MAP1LC3B: variants seen among roughly 807,000 people sequenced by gnomAD.
The protein encoded by MAP1LC3B is microtubule associated protein 1 light chain 3 beta, also known as microtubule-associated protein 1 light chain 3 beta.
In MAP1LC3B, 12 loss-of-function variants were observed where a neutral mutation model predicts 16.7. The observed-to-expected ratio is 0.72, with a 90% CI of 0.46 to 1.16. The LOEUF is 1.16. MAP1LC3B is among the 50% of genes most tolerant of loss of function. The pLI is 0.00. For synonymous variants in MAP1LC3B, 63 were observed against 56.5 expected (o/e 1.11, Z -0.51); for missense variants, 155 against 159.5 (o/e 0.97, Z 0.15).
Position 87,398,626 on chromosome 16 carries a change from T to C in MAP1LC3B, c.41-189T>C, listed in dbSNP as rs149241777. ...AGAGCCATGTATGTTATGTTGCTCTTGGCCTTAGATACAAACCTTTATCAG... is the reference window on the plus strand; with the variant it reads ...AGAGCCATGTATGTTATGTTGCTCTCGGCCTTAGATACAAACCTTTATCAG... On this transcript the variant is annotated intron_variant, in intron 1 of 3. Transcript: ENST00000268607. Among the ~76,000 whole-genome samples, 280 of 152,352 alleles carry C rather than the reference T, an allele frequency of 1.8e-3. 3 individuals carry two copies. Among genetic ancestry groups the C allele is most frequent in the Non-Finnish European group, 1.3e-4 (9 of 68,038 alleles).
rs1396378054 is a variant in MAP1LC3B at position 87,403,402 on chromosome 16, A to C, written c.*305A>C. The C allele has an allele frequency of 1.3e-5, 3 of 231,438 alleles. No individual in the cohort carries two copies. Among genetic ancestry groups the C allele is most frequent in the Non-Finnish European group, 1.8e-5 (2 of 108,264 alleles). The allele number at this position is 231,438 out of a possible 1,614,324, so 14.3% of individuals were successfully genotyped here. ...ATAAAATAGACCTTCAAGTTATTTT[A>C]ATGCTCTTTTCTCACTAATAGGAAC... On this transcript the variant is annotated 3_prime_UTR_variant, in exon 4 of 4. Coordinates refer to ENST00000268607, the MANE Select transcript of MAP1LC3B (RefSeq NM_022818.5).
At chr16:87,402,106 G>A (rs1908014935) in intron 2 of MAP1LC3B, 69 bp from the exon 3 acceptor site, 6 of 1,527,562 alleles carry the variant, frequency 3.9e-6, no homozygotes, top group South Asian at 2.3e-5. Flanking sequence ...AAATGCTGGG[G>A]TTACAGGTGT....
intron 1 of MAP1LC3B, among the ~76,000 whole-genome samples, chr16:87,394,245 G>A (rs1404617605): frequency 1.3e-5 from 2 of 150,692 alleles, no homozygotes; most frequent in African/African-American, 4.9e-5. Flanking sequence ...TATCTTAACA[G>A]CTGTTACCTT....
At chr16:87,396,002 G>A (rs1459788548) in intron 1 of MAP1LC3B, among the ~76,000 whole-genome samples, 1 of 150,834 alleles carries the variant, frequency 6.6e-6, no homozygotes, top group African/African-American at 2.4e-5. Flanking sequence ...CTGGGATTAC[G>A]GGTGCCCGCC....
chr16:87,402,036 C>T (rs1045552599), intron 2 of MAP1LC3B, 139 bp from the exon 3 acceptor site: 25 of 666,786 alleles, frequency 3.7e-5, no homozygotes, highest in Non-Finnish European at 5.3e-5. Context: ...GGGGTTTCAC[C>T]ATGTTAGCCA....
intron 2 of MAP1LC3B, chr16:87,399,520 A>G (rs1597390223): frequency 6.8e-6 from 3 of 438,182 alleles, no homozygotes; most frequent in African/African-American, 6.1e-5. Flanking sequence ...AACAATGTAC[A>G]AATAAGCATT....
chr16:87,393,705 T>G (rs1907693850), intron 1 of MAP1LC3B, among the ~76,000 whole-genome samples: 1 of 152,188 alleles, frequency 6.6e-6, no homozygotes, highest in Admixed American at 6.5e-5. Context: ...GTGTCTAGGC[T>G]TATTGAGCCC....
chr16:87,401,665 C>T (rs1313561539), intron 2 of MAP1LC3B, among the ~76,000 whole-genome samples: 3 of 152,024 alleles, frequency 2.0e-5, no homozygotes, highest in African/African-American at 7.2e-5. Flanking sequence ...AGCTGGAAGG[C>T]ATTACAGGCA....
At chr16:87,399,041 T>C (rs2150711790) in intron 2 of MAP1LC3B, 171 bp downstream of exon 2, 1 of 607,454 alleles carries the variant, frequency 1.6e-6, no homozygotes, top group South Asian at 1.9e-5. Flanking sequence ...GGTCTCACTC[T>C]CTTTCCCAGG....
intron 3 of MAP1LC3B, among the ~76,000 whole-genome samples, 162 bp from the exon 4 acceptor site, chr16:87,402,761 A>C (rs192368434): frequency 6.6e-6 from 1 of 152,270 alleles, no homozygotes; most frequent in Admixed American, 6.5e-5. Flanking sequence ...GCTCATGTCA[A>C]TATAATCAAA....
Position 87,403,998 on chromosome 16 carries a change from C to G in MAP1LC3B, c.*901C>G, listed in dbSNP as rs1236236463. 3.3e-5 allele frequency: 5 copies of G among 152,106 alleles called. No individual in the cohort carries two copies. Among genetic ancestry groups the G allele is most frequent in the Admixed American group, 2.0e-4 (3 of 15,260 alleles). The allele number at this position is 152,106 out of a possible 1,614,324, so 9.4% of individuals were successfully genotyped here. ...ATTCAGACACACTCCCTTCTGCCTT[C>G]CGGCTTAAAGCTGTGGATGATCCAC... On this transcript the variant is annotated 3_prime_UTR_variant, in exon 4 of 4. Coordinates refer to ENST00000268607, the MANE Select transcript of MAP1LC3B (RefSeq NM_022818.5).
chr16:87,401,225 G>A (rs1907983244), intron 2 of MAP1LC3B, among the ~76,000 whole-genome samples: 1 of 151,654 alleles, frequency 6.6e-6, no homozygotes, highest in East Asian at 1.9e-4. Flanking sequence ...CTTGAAGCTG[G>A]TTCCCAGCCT....
intron 1 of MAP1LC3B, among the ~76,000 whole-genome samples, chr16:87,397,877 CAT>C (rs1240060786): frequency 6.7e-6 from 1 of 150,114 alleles, no homozygotes; most frequent in Non-Finnish European, 1.5e-5. Context: ...TTTTAACACA[CAT>C]ATTGCTTTGT....
intron 1 of MAP1LC3B, among the ~76,000 whole-genome samples, chr16:87,397,383 C>T (rs758748377): frequency 6.6e-6 from 1 of 151,984 alleles, no homozygotes; most frequent in Non-Finnish European, 1.5e-5. Flanking sequence ...CTTTGGGAGG[C>T]TGAGGTGGGC....
intron 2 of MAP1LC3B, among the ~76,000 whole-genome samples, chr16:87,401,831 G>A (rs1357681218): frequency 6.7e-6 from 1 of 149,374 alleles, no homozygotes; most frequent in East Asian, 2.0e-4. Flanking sequence ...TGCCCAGCCT[G>A]ATGACTTTTT....
At chr16:87,394,296 C>G (rs1344648477) in intron 1 of MAP1LC3B, among the ~76,000 whole-genome samples, 1 of 151,240 alleles carries the variant, frequency 6.6e-6, no homozygotes, top group African/African-American at 2.4e-5. Context: ...AAAAATCTTT[C>G]TAGTTCATGA....
chr16:87,394,813 C>T (rs1907742859), intron 1 of MAP1LC3B, among the ~76,000 whole-genome samples: 1 of 145,950 alleles, frequency 6.9e-6, no homozygotes, highest in Admixed American at 7.1e-5. Flanking sequence ...TGGCTCACAC[C>T]TGTAATCCCA....
chr16:87,402,778 G>A lies in MAP1LC3B; in HGVS notation c.204-145G>A, dbSNP rs889229586. ...TCATGTCAATATAATCAAAGGAAGT[G>A]TCCTGTGCTTTATGAGAAGTATTGG... On this transcript the variant is annotated intron_variant, in intron 3 of 3. Transcript: ENST00000268607. 5.2e-6 allele frequency: 5 copies of A among 959,646 alleles called. No homozygotes were observed. The African/African-American group carries it at 6.6e-5, about 13-fold the overall frequency. The allele number at this position is 959,646 out of a possible 1,614,324, so 59.4% of individuals were successfully genotyped here.
rs1214944841 is a variant in MAP1LC3B at position 87,397,475 on chromosome 16, G to A, written c.41-1340G>A. 3.3e-5 allele frequency among the ~76,000 whole-genome samples: 5 copies of A among 152,190 alleles called. No individual in the cohort carries two copies. The East Asian group carries it at 5.8e-4, about 18-fold the overall frequency. Reference sequence around the variant, plus strand: ...TACTAAAAATACAAAAAAATTAGCCGAGCATGGTGTCGGGTGCCTGTAGTC... The same window carrying A: ...TACTAAAAATACAAAAAAATTAGCCAAGCATGGTGTCGGGTGCCTGTAGTC... On this transcript the variant is annotated intron_variant, in intron 1 of 3. Coordinates refer to ENST00000268607, the MANE Select transcript of MAP1LC3B (RefSeq NM_022818.5).
Sources: gnomAD v4.1 joint callset for allele counts (sites outside exome capture counted in the v4.1 genomes callset) on GRCh38, gnomAD v4.1.1 for gene constraint, MANE v1.5 for transcripts, NCBI Gene and HGNC (gene_info 2026-07-23, HGNC 2026-07-21) for gene names.